Variants in CDYL observed in about 807,000 individuals in gnomAD.
The protein encoded by CDYL is chromodomain Y like, also known as chromodomain Y-like protein.
Under a neutral mutation model 47.3 loss-of-function variants are expected in CDYL, and 8 were observed. The observed-to-expected ratio is 0.17, with a 90% CI of 0.10 to 0.31. The LOEUF (loss-of-function observed/expected upper bound fraction) is 0.31. CDYL is among the 10% of genes least tolerant of loss of function. The pLI is 1.00. For missense variants in CDYL, 471 were observed against 701.4 expected, an observed-to-expected ratio of 0.67 and a Z score of 3.71; for synonymous variants, 266 against 265.0, an observed-to-expected ratio of 1.00 and a Z score of -0.04.
chr6:4,865,564 C>T (rs990410721), intron 1 of CDYL, among the ~76,000 whole-genome samples: 3 of 151,976 alleles, frequency 2.0e-5, no homozygotes, highest in Non-Finnish European at 2.9e-5. Context: ...TTGTTTCTAA[C>T]GAAGAGTATA....
At chr6:4,949,122 A>T (rs959945419) in intron 5 of CDYL, among the ~76,000 whole-genome samples, 3 of 152,254 alleles carry the variant, frequency 2.0e-5, no homozygotes, top group African/African-American at 7.2e-5. Context: ...GGCGAGGGCT[A>T]CGTAAATCAG....
At chr6:4,855,267 CA>C (rs1760972980) in intron 1 of CDYL, among the ~76,000 whole-genome samples, 1 of 152,106 alleles carries the variant, frequency 6.6e-6, no homozygotes, top group South Asian at 2.1e-4. Context: ...ATCCTCCCAT[CA>C]AACAGTTTAA....
At chr6:4,714,247 A>G (rs1757211932) in intron 1 of CDYL, 1 of 152,092 alleles carries the variant, frequency 6.6e-6, no homozygotes. Context: ...TGACACTAAT[A>G]TGTCTCTCTA....
chr6:4,772,887 G>A (rs144840317), upstream of CDYL: 271 of 339,992 alleles, frequency 8.0e-4, 4 homozygotes, highest in East Asian at 0.012. Context: ...GGCTTCTTTT[G>A]TTTTTTTCTG....
intron 1 of CDYL, chr6:4,836,185 G>A: frequency 2.1e-6 from 1 of 477,878 alleles, no homozygotes. Flanking sequence ...CACGCTGGGA[G>A]CTGTAGACCG....
chr6:4,929,848 G>T (rs1757984470), intron 2 of CDYL, among the ~76,000 whole-genome samples: 1 of 151,732 alleles, frequency 6.6e-6, no homozygotes, highest in African/African-American at 2.4e-5. Flanking sequence ...TTTTATCTTA[G>T]TCACTGGTCC....
At chr6:4,932,879 T>C (rs1047811601) in intron 2 of CDYL, among the ~76,000 whole-genome samples, 10 of 152,218 alleles carry the variant, frequency 6.6e-5, no homozygotes, top group Admixed American at 1.3e-4. Flanking sequence ...TGTGTTTTTA[T>C]TGATCGATTT....
chr6:4,883,013 G>T (rs1190069567), intron 1 of CDYL, among the ~76,000 whole-genome samples: 1 of 152,140 alleles, frequency 6.6e-6, no homozygotes, highest in East Asian at 1.9e-4. Context: ...TGTGGGGCCC[G>T]CATTGGTCAA....
At chr6:4,837,466 GTT>G (rs367959545) in intron 1 of CDYL, among the ~76,000 whole-genome samples, 5 of 136,718 alleles carry the variant, frequency 3.7e-5, no homozygotes, top group Non-Finnish European at 4.8e-5. Context: ...TGTTGTCGTT[GTT>G]TTTTTTTTTT....
chr6:4,740,743 C>T (rs1224285577), intron 3 of CDYL, among the ~76,000 whole-genome samples: 1 of 151,792 alleles, frequency 6.6e-6, no homozygotes, highest in Non-Finnish European at 1.5e-5. Context: ...TCTGTATCCA[C>T]AGCAGGCAGA....
intron 1 of CDYL, among the ~76,000 whole-genome samples, chr6:4,836,472 T>C (rs1760310497): frequency 6.6e-6 from 1 of 152,200 alleles, no homozygotes; most frequent in African/African-American, 2.4e-5. Context: ...CGGCTTTCCT[T>C]CCTGTGATAC....
chr6:4,748,524 G>A (rs1365127854), intron 3 of CDYL, among the ~76,000 whole-genome samples: 1 of 152,116 alleles, frequency 6.6e-6, no homozygotes, highest in Admixed American at 6.6e-5. Flanking sequence ...GAGTATGATG[G>A]CATTGGGAGA....
chr6:4,818,050 G>T (rs1227075285), intron 1 of CDYL, among the ~76,000 whole-genome samples: 1 of 152,076 alleles, frequency 6.6e-6, no homozygotes, highest in Non-Finnish European at 1.5e-5. Context: ...TGAGCCCAGG[G>T]TTCAAGACCA....
At chr6:4,716,246 C>CAA (rs35962503) in intron 2 of CDYL, among the ~76,000 whole-genome samples, 43 of 121,162 alleles carry the variant, frequency 3.5e-4, no homozygotes, top group African/African-American at 1.0e-3. Flanking sequence ...GACTCCATCT[C>CAA]AAAAAAAAAA....
chr6:4,884,247 G>C (rs1056548121), intron 1 of CDYL, among the ~76,000 whole-genome samples: 1 of 152,220 alleles, frequency 6.6e-6, no homozygotes, highest in Non-Finnish European at 1.5e-5. Context: ...AGAAAGCCAC[G>C]TGGCTTGCTA....
intron 5 of CDYL, among the ~76,000 whole-genome samples, chr6:4,947,632 G>A (rs1175921726): frequency 6.7e-6 from 1 of 148,968 alleles, no homozygotes; most frequent in African/African-American, 2.5e-5. Context: ...GGGGAGCCGT[G>A]CAGTTTCTAA....
intron 1 of CDYL, among the ~76,000 whole-genome samples, chr6:4,827,870 G>T (rs887274928): frequency 2.6e-5 from 4 of 152,136 alleles, no homozygotes; most frequent in Non-Finnish European, 5.9e-5. Flanking sequence ...GACTAGGCTG[G>T]TCTCAAACTC....
intron 2 of CDYL, among the ~76,000 whole-genome samples, chr6:4,900,045 T>G (rs1756973897): frequency 6.6e-6 from 1 of 152,224 alleles, no homozygotes. Context: ...GTCATACATT[T>G]TTGCACAAGT....
At position 4,757,994 on chromosome 6, in the gene CDYL, TGTTA is replaced by T. The variant is rs575523747; in HGVS notation, c.186+23151_186+23154del. On this transcript the variant is annotated intron_variant, in intron 3 of 8. Coordinates refer to the CDYL transcript ENST00000328908. ...TTTTTTAAAAACAAGTTTCCTAATT[TGTTA>T]ATTTCATTTTTTTCTACTTATTTTC... is the stretch of plus-strand genomic sequence containing the variant. 3.0e-4 allele frequency among the ~76,000 whole-genome samples: 45 copies of T among 152,364 alleles called. No individual in the cohort carries two copies. The East Asian group carries it at 8.5e-3, about 29-fold the overall frequency.
Sources: allele counts gnomAD v4.1 joint callset (sites outside exome capture counted in the v4.1 genomes callset), GRCh38; gene constraint gnomAD v4.1.1; transcripts MANE v1.5; gene names NCBI Gene and HGNC (gene_info 2026-07-23, HGNC 2026-07-21).